MYO3B: variants seen among roughly 807,000 people sequenced by gnomAD.
MYO3B encodes myosin IIIB, also known as myosin-IIIb.
In MYO3B, 156 loss-of-function variants were observed where a neutral mutation model predicts 174.6. The ratio of observed to expected loss-of-function variants is 0.89; its 90% confidence interval spans 0.78 to 1.02. MYO3B has a LOEUF of 1.02. MYO3B is among the 50% of genes least tolerant of loss of function. The pLI, the probability that MYO3B is intolerant of heterozygous loss-of-function variation, is 0.00. For missense variants in MYO3B, 1,632 were observed against 1,639.4 expected, an observed-to-expected ratio of 1.00 and a Z score of 0.08; for synonymous variants, 563 against 569.1, an observed-to-expected ratio of 0.99 and a Z score of 0.15.
At position 170,503,647 on chromosome 2, in the gene MYO3B, C is replaced by T. The variant is rs889309908; in HGVS notation, c.3370+1782C>T. On this transcript the variant is annotated intron_variant, in intron 28 of 34. Transcript: ENST00000408978. ...TAGAAAACACATTTCTTTAAGGGTG[C>T]CGTCCTTTTTTTTTTTTAGCCTTGC... Among the ~76,000 whole-genome samples, 54 of 19,274 alleles carry T rather than the reference C, an allele frequency of 2.8e-3. 4 individuals carry two copies. The highest frequency in any genetic ancestry group is 9.7e-3 in the Admixed American group (12 of 1,234). The allele number at this position is 19,274 out of a possible 152,430, so 12.6% of individuals were successfully genotyped here.
intron 32 of MYO3B, chr2:170,601,937 GC>G: frequency 1.2e-6 from 1 of 825,952 alleles, no homozygotes; most frequent in Non-Finnish European, 2.0e-6. Flanking sequence ...GCCGAAGGAG[GC>G]CTCTTGGGTG....
At chr2:170,481,915 A>C (rs1387388036) in intron 25 of MYO3B, among the ~76,000 whole-genome samples, 1 of 152,132 alleles carries the variant, frequency 6.6e-6, no homozygotes, top group East Asian at 1.9e-4. Context: ...AGGGAGGTGA[A>C]ACTTTGAATG....
At chr2:170,574,136 C>T (rs1317948476) in intron 32 of MYO3B, among the ~76,000 whole-genome samples, 1 of 152,136 alleles carries the variant, frequency 6.6e-6, no homozygotes, top group Non-Finnish European at 1.5e-5. Flanking sequence ...TAATCAGAAA[C>T]ACTTTATTGT....
chr2:170,556,559 T>A (rs1310672044), intron 32 of MYO3B, among the ~76,000 whole-genome samples: 1 of 152,246 alleles, frequency 6.6e-6, no homozygotes, highest in Non-Finnish European at 1.5e-5. Flanking sequence ...TTAGCTCTTG[T>A]TGCCCAAGCT....
At chr2:170,497,349 G>A (rs1370043558) in intron 25 of MYO3B, among the ~76,000 whole-genome samples, 3 of 152,324 alleles carry the variant, frequency 2.0e-5, no homozygotes, top group Middle Eastern at 3.4e-3. Context: ...AGGGGCGGTG[G>A]CTCACGCCTG....
chr2:170,612,298 T>A (rs1361791410), intron 32 of MYO3B, among the ~76,000 whole-genome samples: 1 of 152,136 alleles, frequency 6.6e-6, no homozygotes, highest in Non-Finnish European at 1.5e-5. Context: ...TTATGTGAGG[T>A]GTCATCAGAT....
intron 32 of MYO3B, among the ~76,000 whole-genome samples, chr2:170,601,006 C>G (rs953484294): frequency 2.2e-4 from 34 of 152,206 alleles, no homozygotes; most frequent in Admixed American, 1.2e-3. Context: ...TAACTTTACC[C>G]CCATTATGAT....
At chr2:170,195,072 C>T (rs1277071390) in intron 1 of MYO3B, among the ~76,000 whole-genome samples, 2 of 151,924 alleles carry the variant, frequency 1.3e-5, no homozygotes, top group Non-Finnish European at 2.9e-5. Context: ...GTGGGTCTGC[C>T]TCTCCCAGTC....
intron 9 of MYO3B, among the ~76,000 whole-genome samples, chr2:170,377,334 C>T (rs891662356): frequency 6.6e-6 from 1 of 152,248 alleles, no homozygotes; most frequent in Non-Finnish European, 1.5e-5. Flanking sequence ...CTTTCCCACT[C>T]ATTGGCTGGG....
intron 30 of MYO3B, among the ~76,000 whole-genome samples, chr2:170,521,209 C>A (rs1688649976): frequency 6.6e-6 from 1 of 152,138 alleles, no homozygotes; most frequent in Non-Finnish European, 1.5e-5. Flanking sequence ...TGTCATTGGG[C>A]TTCTTTTAAA....
At chr2:170,390,083 T>A (rs992626566) in intron 14 of MYO3B, among the ~76,000 whole-genome samples, 1 of 152,176 alleles carries the variant, frequency 6.6e-6, no homozygotes, top group Non-Finnish European at 1.5e-5. Context: ...ATTTTTCTAT[T>A]TATATATATC....
chr2:170,484,924 T>C (rs1685933527), intron 25 of MYO3B, among the ~76,000 whole-genome samples: 1 of 152,034 alleles, frequency 6.6e-6, no homozygotes, highest in Admixed American at 6.5e-5. Flanking sequence ...GCCAAAATAG[T>C]TCTGCTACCT....
At chr2:170,517,114 CT>C (rs1475139361) in intron 29 of MYO3B, among the ~76,000 whole-genome samples, 6 of 152,210 alleles carry the variant, frequency 3.9e-5, no homozygotes, top group Admixed American at 3.9e-4. Context: ...TCTTATTTAT[CT>C]CTTTAGTTTG....
intron 32 of MYO3B, chr2:170,601,758 CT>C: frequency 2.1e-6 from 3 of 1,416,650 alleles, no homozygotes; most frequent in Admixed American, 1.8e-5. Context: ...TAGCTGTATC[CT>C]TTTTGTATTT....
At chr2:170,462,066 C>T (rs1224464989) in intron 23 of MYO3B, among the ~76,000 whole-genome samples, 4 of 152,208 alleles carry the variant, frequency 2.6e-5, no homozygotes, top group Non-Finnish European at 4.4e-5. Flanking sequence ...GTATAACACG[C>T]TCTGCAGGTG....
At chr2:170,511,637 T>C (rs1559071509) in intron 28 of MYO3B, among the ~76,000 whole-genome samples, 1 of 152,186 alleles carries the variant, frequency 6.6e-6, no homozygotes, top group Non-Finnish European at 1.5e-5. Context: ...AGCTAGGAAA[T>C]CTCATATAAT....
At chr2:170,373,505 T>C (rs2094263549) in intron 9 of MYO3B, among the ~76,000 whole-genome samples, 1 of 152,200 alleles carries the variant, frequency 6.6e-6, no homozygotes. Flanking sequence ...GTAAGGAACG[T>C]TCAGTCCACT....
intron 7 of MYO3B, among the ~76,000 whole-genome samples, chr2:170,307,130 C>A (rs990206890): frequency 6.7e-6 from 1 of 150,194 alleles, no homozygotes; most frequent in Non-Finnish European, 1.5e-5. Context: ...GCAGTCCTAA[C>A]TACTTTGGAG....
chr2:170,417,370 A>G (rs2094587473), intron 22 of MYO3B, among the ~76,000 whole-genome samples: 1 of 152,230 alleles, frequency 6.6e-6, no homozygotes, highest in Admixed American at 6.5e-5. Context: ...TCCTTGACCC[A>G]GAGCAGTGCC....
Sources: gnomAD v4.1 joint callset for allele counts (sites outside exome capture counted in the v4.1 genomes callset) on GRCh38, gnomAD v4.1.1 for gene constraint, MANE v1.5 for transcripts, NCBI Gene and HGNC (gene_info 2026-07-23, HGNC 2026-07-21) for gene names.